RANBP2: variants seen among roughly 807,000 people sequenced by gnomAD.
The protein encoded by RANBP2 is E3 SUMO-protein ligase RanBP2.
In RANBP2, 57 loss-of-function variants were observed where a neutral mutation model predicts 303.6. That is an observed-to-expected ratio of 0.19 (90% CI 0.15 to 0.23). The LOEUF is 0.23. RANBP2 is among the 10% of genes least tolerant of loss of function. The pLI is 1.00. For synonymous variants in RANBP2, 1,167 were observed against 1,301.5 expected, an observed-to-expected ratio of 0.90 and a Z score of 2.23; for missense variants, 3,138 against 3,780.8, an observed-to-expected ratio of 0.83 and a Z score of 4.46.
the RANBP2 span, among the ~76,000 whole-genome samples, chr2:109,176,548 A>G: frequency 0.52 from 78,376 of 152,058 alleles, 20,785 homozygotes; most frequent in South Asian, 0.61. Context: ...CCTTGGCAAC[A>G]TAATGAGACC....
At chr2:109,170,241 TCTTTTCTCTTCTCTTCTC>T in the RANBP2 span, among the ~76,000 whole-genome samples, 2 of 10,214 alleles carry the variant, frequency 2.0e-4, no homozygotes, top group Admixed American at 2.1e-3. Flanking sequence ...TCTCTTCTTT[TCTTTTCTCTTCTCTTCTC>T]TTCTCTTCTC....
chr2:109,449,697 G>A, the RANBP2 span, among the ~76,000 whole-genome samples: 1 of 152,230 alleles, frequency 6.6e-6, no homozygotes, highest in South Asian at 2.1e-4. Flanking sequence ...CTTGGGTGCT[G>A]GCAGGGCCAT....
chr2:109,199,637 T>TTAACC, the RANBP2 span, among the ~76,000 whole-genome samples: 1 of 50 alleles, frequency 0.02, no homozygotes, highest in Non-Finnish European at 0.036. Context: ...TGGAATGGAA[T>TTAACC]GGAATGGAAT....
At chr2:109,594,805 A>C in the RANBP2 span, 1 of 152,220 alleles carries the variant, frequency 6.6e-6, no homozygotes, top group Admixed American at 6.5e-5. Context: ...ATCGTGACTA[A>C]ATTTCATATA....
the RANBP2 span, among the ~76,000 whole-genome samples, chr2:109,098,977 G>GGAGGGCT: frequency 9.2e-5 from 14 of 152,230 alleles, no homozygotes; most frequent in Non-Finnish European, 1.9e-4. Context: ...CATTTGGAAA[G>GGAGGGCT]GAGGGCTTTA....
chr2:109,520,454 G>C, the RANBP2 span, among the ~76,000 whole-genome samples: 1 of 151,758 alleles, frequency 6.6e-6, no homozygotes, highest in Admixed American at 6.6e-5. Flanking sequence ...ACAAAAATTA[G>C]CCGGGGGTGG....
the RANBP2 span, among the ~76,000 whole-genome samples, chr2:109,275,336 A>G: frequency 7.2e-5 from 11 of 152,176 alleles, no homozygotes; most frequent in Non-Finnish European, 1.2e-4. Context: ...GCTTCAGTTT[A>G]TATTTGTGAT....
the RANBP2 span, among the ~76,000 whole-genome samples, chr2:109,560,021 C>T: frequency 2.0e-5 from 3 of 150,278 alleles, no homozygotes; most frequent in East Asian, 2.0e-4. Context: ...CCTAGGTTCA[C>T]GCCATTCTCC....
At chr2:109,484,549 C>G in the RANBP2 span, among the ~76,000 whole-genome samples, 2 of 152,304 alleles carry the variant, frequency 1.3e-5, no homozygotes, top group Admixed American at 6.5e-5. Context: ...GGCCCGCCCC[C>G]TCCTGTGGAG....
In RANBP2 at chr2:108,764,138, A is replaced by T; in HGVS notation, c.3599A>T (p.Lys1200Ile). The T allele has an allele frequency of 6.2e-7, 1 of 1,614,090 alleles. No individual in the cohort carries two copies. Among genetic ancestry groups the T allele is most frequent in the Non-Finnish European group, 8.5e-7 (1 of 1,179,978 alleles). ...GAAGAATTCTTTTGCAACCGCGCGA[A>T]ATTGTTTCGTTTCGATGTAGAATCC... ...DEEEFFCNRA[K>I]LFRFDVESKE... The change falls in exon 20 of 29, where the codon AAA (lysine) becomes ATA (isoleucine). Residue 1200 changes from lysine to isoleucine, a missense_variant. Coordinates refer to ENST00000283195, the MANE Select transcript of RANBP2 (RefSeq NM_006267.5).
chr2:109,197,350 G>C, the RANBP2 span, among the ~76,000 whole-genome samples: 1 of 152,202 alleles, frequency 6.6e-6, no homozygotes, highest in East Asian at 1.9e-4. Context: ...GGGAAGGGAA[G>C]GGCCAGACCC....
intron 1 of RANBP2, among the ~76,000 whole-genome samples, 163 bp downstream of exon 1, chr2:108,719,841 T>G (rs575002426): frequency 1.3e-3 from 193 of 151,910 alleles, no homozygotes; most frequent in African/African-American, 4.4e-3. Context: ...TGCAAGCGCA[T>G]GAAGAGTCCT....
At chr2:108,892,476 T>A in the RANBP2 span, among the ~76,000 whole-genome samples, 1 of 152,154 alleles carries the variant, frequency 6.6e-6, no homozygotes, top group South Asian at 2.1e-4. Context: ...TGGGTTTCTG[T>A]AACACCTCAG....
chr2:109,169,921 T>G, the RANBP2 span, among the ~76,000 whole-genome samples: 1 of 152,156 alleles, frequency 6.6e-6, no homozygotes, highest in Non-Finnish European at 1.5e-5. Context: ...TATATTGAAG[T>G]GCAGAAGTAT....
At chr2:108,755,569 T>A (rs1347105804) in intron 17 of RANBP2, among the ~76,000 whole-genome samples, 1 of 151,730 alleles carries the variant, frequency 6.6e-6, no homozygotes, top group South Asian at 2.1e-4. Flanking sequence ...AATTGTTGTA[T>A]TTTTTATAGA....
chr2:109,635,674 A>G, the RANBP2 span, among the ~76,000 whole-genome samples: 2 of 152,236 alleles, frequency 1.3e-5, no homozygotes, highest in Non-Finnish European at 2.9e-5. Context: ...GGTGGGGGAC[A>G]CAGAGCAGAA....
the RANBP2 span, among the ~76,000 whole-genome samples, chr2:109,117,797 T>C: frequency 4.6e-5 from 7 of 152,178 alleles, no homozygotes; most frequent in Non-Finnish European, 8.8e-5. Flanking sequence ...CCCAGCATTT[T>C]TCAAAAAGCA....
chr2:109,121,140 C>T, the RANBP2 span, among the ~76,000 whole-genome samples: 2 of 152,018 alleles, frequency 1.3e-5, no homozygotes, highest in Non-Finnish European at 2.9e-5. Flanking sequence ...CCCAGCTACT[C>T]AGAGGCTGAG....
chr2:109,133,338 T>C, the RANBP2 span, among the ~76,000 whole-genome samples: 31 of 152,240 alleles, frequency 2.0e-4, no homozygotes, highest in African/African-American at 7.2e-4. Flanking sequence ...AAATCTCTTC[T>C]GTGTCTCTTT....
Sources: allele counts gnomAD v4.1 joint callset (sites outside exome capture counted in the v4.1 genomes callset), GRCh38; gene constraint gnomAD v4.1.1; transcripts MANE v1.5; gene names NCBI Gene and HGNC (gene_info 2026-07-23, HGNC 2026-07-21).